MAF: variants seen among roughly 807,000 people sequenced by gnomAD.
MAF encodes transcription factor Maf.
A neutral mutation model predicts 22.0 loss-of-function variants in MAF; 10 were observed. The observed-to-expected ratio is 0.45, with a 90% CI of 0.28 to 0.77. The LOEUF (loss-of-function observed/expected upper bound fraction) is 0.77, where lower values mean the gene tolerates loss of function less well. MAF is among the 30% of genes least tolerant of loss of function. The pLI, the probability that MAF is intolerant of heterozygous loss-of-function variation, is 0.12. For missense variants in MAF, 544 were observed against 548.4 expected, an observed-to-expected ratio of 0.99 and a Z score of 0.08; for synonymous variants, 337 against 255.8, an observed-to-expected ratio of 1.32 and a Z score of -3.03.
At chr16:79,340,448 A>T in the MAF span, among the ~76,000 whole-genome samples, 1 of 150,766 alleles carries the variant, frequency 6.6e-6, no homozygotes, top group African/African-American at 2.4e-5. Flanking sequence ...AGTGCCTGGC[A>T]CTGGGAATAT....
chr16:79,362,581 T>C, the MAF span, among the ~76,000 whole-genome samples: 2 of 152,226 alleles, frequency 1.3e-5, no homozygotes, highest in Non-Finnish European at 2.9e-5. Flanking sequence ...GAATGAACTA[T>C]AGGCACGAAG....
chr16:79,468,003 A>G, the MAF span, among the ~76,000 whole-genome samples: 3 of 152,100 alleles, frequency 2.0e-5, no homozygotes, highest in African/African-American at 7.2e-5. Context: ...AACATTATTG[A>G]TTGATCAGAC....
At chr16:79,347,020 A>C in the MAF span, among the ~76,000 whole-genome samples, 2 of 152,202 alleles carry the variant, frequency 1.3e-5, no homozygotes, top group Non-Finnish European at 2.9e-5. Context: ...ACTCACACTC[A>C]GCCAAATGGC....
chr16:79,481,464 C>G, the MAF span, among the ~76,000 whole-genome samples: 2 of 152,120 alleles, frequency 1.3e-5, no homozygotes, highest in Non-Finnish European at 2.9e-5. Context: ...CTTCCCGTCT[C>G]TATAGATTTG....
chr16:79,315,020 G>T, the MAF span, among the ~76,000 whole-genome samples: 1 of 152,242 alleles, frequency 6.6e-6, no homozygotes, highest in Non-Finnish European at 1.5e-5. Context: ...GGGGGCCCTT[G>T]CTGTGTGCTA....
the MAF span, among the ~76,000 whole-genome samples, chr16:79,562,502 G>A: frequency 1.3e-5 from 2 of 152,162 alleles, no homozygotes; most frequent in African/African-American, 4.8e-5. Context: ...TAGGCTTAAA[G>A]GCCCATTGTC....
the MAF span, among the ~76,000 whole-genome samples, chr16:79,289,699 CTG>C: frequency 7.2e-5 from 11 of 152,136 alleles, no homozygotes; most frequent in African/African-American, 2.4e-4. Context: ...GATGTGGAAA[CTG>C]TGGCTGAGAG....
chr16:79,240,129 G>C, the MAF span, among the ~76,000 whole-genome samples: 1 of 151,880 alleles, frequency 6.6e-6, no homozygotes, highest in Non-Finnish European at 1.5e-5. Context: ...TGGGGGTTTA[G>C]GGTCCCATGG....
chr16:79,547,078 TC>T, the MAF span, among the ~76,000 whole-genome samples: 11 of 152,272 alleles, frequency 7.2e-5, no homozygotes, highest in South Asian at 1.7e-3. Flanking sequence ...TTTGAAAAGT[TC>T]CTTTCTGAAA....
the MAF span, among the ~76,000 whole-genome samples, chr16:79,425,443 C>G: frequency 1.3e-5 from 2 of 152,194 alleles, no homozygotes; most frequent in Non-Finnish European, 2.9e-5. Flanking sequence ...GGAACTCTAG[C>G]AAACTCAGTG....
At chr16:79,423,180 G>A in the MAF span, among the ~76,000 whole-genome samples, 1 of 152,200 alleles carries the variant, frequency 6.6e-6, no homozygotes, top group Non-Finnish European at 1.5e-5. Context: ...TGCATAGGAT[G>A]TACCTATACC....
At chr16:79,350,389 C>T in the MAF span, among the ~76,000 whole-genome samples, 1 of 152,220 alleles carries the variant, frequency 6.6e-6, no homozygotes, top group African/African-American at 2.4e-5. Flanking sequence ...GGATTTGAGT[C>T]TCCAGCTGTG....
At chr16:79,311,253 C>G in the MAF span, among the ~76,000 whole-genome samples, 1 of 151,972 alleles carries the variant, frequency 6.6e-6, no homozygotes, top group African/African-American at 2.4e-5. Flanking sequence ...TTCATTTTTC[C>G]TTTTTTCTCT....
the MAF span, among the ~76,000 whole-genome samples, chr16:79,365,757 T>C: frequency 8.6e-4 from 121 of 140,544 alleles, no homozygotes; most frequent in African/African-American, 3.6e-3. Context: ...AGGCCAAATA[T>C]CTCATGGGGT....
the MAF span, among the ~76,000 whole-genome samples, chr16:79,245,988 A>C: frequency 6.6e-6 from 1 of 152,048 alleles, no homozygotes; most frequent in Non-Finnish European, 1.5e-5. Context: ...GTTCTGACTC[A>C]AAAGTGGGAG....
the MAF span, among the ~76,000 whole-genome samples, chr16:79,317,933 C>T: frequency 7.5e-6 from 1 of 133,956 alleles, no homozygotes; most frequent in African/African-American, 3.5e-5. Context: ...CACTCACTCA[C>T]TCACTCACTC....
At chr16:79,350,688 A>T in the MAF span, among the ~76,000 whole-genome samples, 1 of 152,138 alleles carries the variant, frequency 6.6e-6, no homozygotes, top group East Asian at 1.9e-4. Context: ...CACAAGATAG[A>T]AGAGGCCTGG....
At chr16:79,375,472 GTGA>G in the MAF span, among the ~76,000 whole-genome samples, 1 of 152,120 alleles carries the variant, frequency 6.6e-6, no homozygotes, top group African/African-American at 2.4e-5. Flanking sequence ...GGGCATGGTG[GTGA>G]TGAAGATGAT....
the MAF span, among the ~76,000 whole-genome samples, chr16:79,355,924 A>C: frequency 6.6e-6 from 1 of 152,174 alleles, no homozygotes; most frequent in African/African-American, 2.4e-5. Context: ...GATTCTGAAC[A>C]ACCAGAAAAT....
Sources: gnomAD v4.1 joint callset for allele counts (sites outside exome capture counted in the v4.1 genomes callset) on GRCh38, gnomAD v4.1.1 for gene constraint, MANE v1.5 for transcripts, NCBI Gene and HGNC (gene_info 2026-07-23, HGNC 2026-07-21) for gene names.